TEAD1: variants seen among roughly 807,000 people sequenced by gnomAD.
The protein encoded by TEAD1 is transcriptional enhancer factor TEF-1.
TEAD1 carries 9 observed loss-of-function variants against 54.9 expected under a neutral mutation model. The ratio of observed to expected loss-of-function variants is 0.16; its 90% CI spans 0.10 to 0.29. The LOEUF (loss-of-function observed/expected upper bound fraction) is 0.29. Among genes scored for constraint, TEAD1 ranks in the 10% least tolerant of loss-of-function variants. The pLI is 1.00. For synonymous variants in TEAD1, 200 were observed against 187.8 expected (o/e 1.07, Z -0.53); for missense variants, 387 against 535.9 (o/e 0.72, Z 2.74).
chr11:12,726,491 T>A (rs372985176), intron 2 of TEAD1, among the ~76,000 whole-genome samples: 2 of 152,166 alleles, frequency 1.3e-5, no homozygotes, highest in Middle Eastern at 3.2e-3. Context: ...AGGTGGCTAA[T>A]CTGGGTTGGG....
Position 12,881,879 on chromosome 11 carries a change from C to A in TEAD1, c.513-17C>A. 6.2e-7 allele frequency: 1 copy of A among 1,613,948 alleles called. No individual in the cohort carries two copies. The highest frequency in any genetic ancestry group is 8.5e-7 in the Non-Finnish European group (1 of 1,179,822). ...GATGCGATCTCTTAACTCTGTCTGCCATCTCTCTGTTCCCAGCGTCAAGCC... is the reference window on the plus strand; with the variant it reads ...GATGCGATCTCTTAACTCTGTCTGCAATCTCTCTGTTCCCAGCGTCAAGCC... On this transcript the variant is annotated splice_polypyrimidine_tract_variant and intron_variant, in intron 7 of 12. Transcript: ENST00000527636.
At chr11:12,936,241 G>T (rs1005649497) in intron 12 of TEAD1, among the ~76,000 whole-genome samples, 1 of 152,196 alleles carries the variant, frequency 6.6e-6, no homozygotes, top group African/African-American at 2.4e-5. Flanking sequence ...GGTCTGTGTG[G>T]TGTGGAGGGA....
At chr11:12,790,100 C>G (rs1193577055) in intron 3 of TEAD1, among the ~76,000 whole-genome samples, 1 of 152,240 alleles carries the variant, frequency 6.6e-6, no homozygotes, top group African/African-American at 2.4e-5. Context: ...GAAAGGCCAG[C>G]CATACAGACT....
At chr11:12,828,500 G>A (rs1946701968) in intron 3 of TEAD1, among the ~76,000 whole-genome samples, 2 of 152,134 alleles carry the variant, frequency 1.3e-5, no homozygotes, top group South Asian at 2.1e-4. Flanking sequence ...TTTTTGTGCT[G>A]TGTGGGTTGG....
intron 2 of TEAD1, among the ~76,000 whole-genome samples, chr11:12,704,665 T>C (rs556218400): frequency 6.6e-6 from 1 of 152,224 alleles, no homozygotes; most frequent in Non-Finnish European, 1.5e-5. Flanking sequence ...ATTTACCCTA[T>C]TGTCTCTCTC....
At chr11:12,880,969 C>T in intron 6 of TEAD1, 36 bp from the exon 7 acceptor site, 1 of 1,613,394 alleles carries the variant, frequency 6.2e-7, no homozygotes, top group Non-Finnish European at 8.5e-7. Flanking sequence ...TTGAAGTAAA[C>T]TCGTAATTCT....
At chr11:12,815,124 A>G (rs1205547283) in intron 3 of TEAD1, among the ~76,000 whole-genome samples, 1 of 152,126 alleles carries the variant, frequency 6.6e-6, no homozygotes, top group Non-Finnish European at 1.5e-5. Context: ...GGTAGGTTTC[A>G]TTCTGTGGGT....
intron 9 of TEAD1, among the ~76,000 whole-genome samples, chr11:12,889,012 A>C (rs1948146424): frequency 6.6e-6 from 1 of 152,192 alleles, no homozygotes; most frequent in African/African-American, 2.4e-5. Context: ...GTGGTGGTTT[A>C]TGTTGGAGGA....
chr11:12,744,537 G>C (rs1944708526), intron 2 of TEAD1, among the ~76,000 whole-genome samples: 1 of 152,182 alleles, frequency 6.6e-6, no homozygotes, highest in African/African-American at 2.4e-5. Flanking sequence ...ATTAGTGTAA[G>C]AAAGGACATC....
chr11:12,906,555 A>G (rs7110606), intron 10 of TEAD1, among the ~76,000 whole-genome samples: 86,602 of 142,082 alleles, frequency 0.61, 26,234 homozygotes, highest in Middle Eastern at 0.74. Context: ...AAAAAAAAAA[A>G]AAAGAAAGAA....
At chr11:12,731,609 A>G (rs1944427736) in intron 2 of TEAD1, among the ~76,000 whole-genome samples, 2 of 152,138 alleles carry the variant, frequency 1.3e-5, no homozygotes, top group Admixed American at 1.3e-4. Context: ...CTTATCAGAT[A>G]TTTTGTCAGT....
intron 3 of TEAD1, among the ~76,000 whole-genome samples, chr11:12,813,701 TA>T (rs1388747355): frequency 6.6e-6 from 1 of 152,230 alleles, no homozygotes; most frequent in Non-Finnish European, 1.5e-5. Context: ...ATTGAGATGC[TA>T]ACCATGACAC....
intron 7 of TEAD1, 41 bp downstream of exon 7, chr11:12,881,092 GTCCCA>G: frequency 1.2e-6 from 2 of 1,610,404 alleles, no homozygotes; most frequent in Non-Finnish European, 1.7e-6. Flanking sequence ...CTACGGGCTG[GTCCCA>G]GCCCACGTGG....
intron 11 of TEAD1, among the ~76,000 whole-genome samples, chr11:12,927,669 T>A (rs1385454126): frequency 6.6e-6 from 1 of 152,202 alleles, no homozygotes; most frequent in Non-Finnish European, 1.5e-5. Flanking sequence ...ATCAAGAATG[T>A]ATTTGCATTC....
chr11:12,795,163 T>G (rs1324604030), intron 3 of TEAD1, among the ~76,000 whole-genome samples: 1 of 152,226 alleles, frequency 6.6e-6, no homozygotes, highest in Non-Finnish European at 1.5e-5. Context: ...TCTTAAAGGC[T>G]ACTGTGTTGC....
At chr11:12,879,357 AT>A (rs1230377066) in intron 5 of TEAD1, 80 of 538,590 alleles carry the variant, frequency 1.5e-4, no homozygotes, top group East Asian at 3.6e-4. Flanking sequence ...CAGGGCCTTT[AT>A]TTTTTTTTCT....
At chr11:12,902,764 T>G (rs1332221168) in intron 10 of TEAD1, among the ~76,000 whole-genome samples, 2 of 152,106 alleles carry the variant, frequency 1.3e-5, no homozygotes, top group African/African-American at 2.4e-5. Flanking sequence ...AGCGACCTGG[T>G]TCCAGGGTAG....
chr11:12,795,355 A>G (rs1281838388), intron 3 of TEAD1, among the ~76,000 whole-genome samples: 1 of 152,188 alleles, frequency 6.6e-6, no homozygotes. Context: ...CAATGACACC[A>G]TCTCTGAATA....
chr11:12,693,002 C>T (rs1225098925), intron 2 of TEAD1, among the ~76,000 whole-genome samples: 1 of 152,148 alleles, frequency 6.6e-6, no homozygotes, highest in Admixed American at 6.5e-5. Flanking sequence ...TTGAAAACCA[C>T]CCCTACTGGT....
Sources: gnomAD v4.1 joint callset for allele counts (sites outside exome capture counted in the v4.1 genomes callset) on GRCh38, gnomAD v4.1.1 for gene constraint, MANE v1.5 for transcripts, NCBI Gene and HGNC (gene_info 2026-07-23, HGNC 2026-07-21) for gene names.